The following TTLL6 variants were observed in gnomAD, a reference collection of about 807,000 sequenced individuals.
The protein encoded by TTLL6 is tubulin polyglutamylase TTLL6.
TTLL6 carries 75 observed loss-of-function variants against 96.4 expected under a neutral mutation model. The ratio of observed to expected loss-of-function variants is 0.78; its 90% confidence interval spans 0.65 to 0.94. The LOEUF is 0.94. TTLL6 is among the 40% of genes least tolerant of loss of function. The probability of loss-of-function intolerance (pLI) is 0.00; values close to 1 mark genes in which losing one functional copy is unlikely to be tolerated. For missense variants in TTLL6, 1,030 were observed against 1,093.0 expected, an observed-to-expected ratio of 0.94 and a Z score of 0.81; for synonymous variants, 411 against 419.4, an observed-to-expected ratio of 0.98 and a Z score of 0.24.
At chr17:48,813,901 T>C (rs1442955600) in intron 1 of TTLL6, among the ~76,000 whole-genome samples, 1 of 152,196 alleles carries the variant, frequency 6.6e-6, no homozygotes, top group African/African-American at 2.4e-5. Context: ...AGGGGACTTG[T>C]ACCCAGCCAG....
chr17:48,783,830 G>A (rs905919254), intron 13 of TTLL6, among the ~76,000 whole-genome samples: 3 of 152,188 alleles, frequency 2.0e-5, no homozygotes, highest in Non-Finnish European at 2.9e-5. Flanking sequence ...TTTTATGCTT[G>A]TATATATTCA....
rs2038516508 is a variant in TTLL6, at chr17:48,762,913, CACATTGTTTCCT to C, written c.*49_*60del. On this transcript the variant is annotated 3_prime_UTR_variant, in exon 16 of 16. Coordinates refer to ENST00000393382, the MANE Select transcript of TTLL6 (RefSeq NM_001130918.3). The stretch of plus-strand genomic sequence containing the variant: ...ACACTGGAGACACTGTCGGAAGAGA[CACATTGTTTCCT>C]GCAAGTTAAGAGGTAGGAAGGGAAA... 1 of 456,040 alleles carries C rather than the reference CACATTGTTTCCT, an allele frequency of 2.2e-6. No individual in the cohort carries two copies. Among genetic ancestry groups the C allele is most frequent in the Non-Finnish European group, 4.4e-6 (1 of 226,782 alleles). The allele number at this position is 456,040 out of a possible 1,614,324, so 28.2% of individuals were successfully genotyped here.
intron 1 of TTLL6, among the ~76,000 whole-genome samples, chr17:48,806,829 G>A (rs1170813597): frequency 2.0e-5 from 3 of 151,822 alleles, no homozygotes; most frequent in East Asian, 2.0e-4. Flanking sequence ...TCAGAAGTTC[G>A]AGACCAGCCT....
At chr17:48,795,566 T>C (rs1223087041) in intron 8 of TTLL6, among the ~76,000 whole-genome samples, 1 of 152,064 alleles carries the variant, frequency 6.6e-6, no homozygotes, top group Non-Finnish European at 1.5e-5. Context: ...CATGAACTGC[T>C]CTCAATTTCC....
rs529244451 is a variant in TTLL6 at position 48,770,168 on chromosome 17, A to G, written c.2041-71T>C. 2.7e-6 allele frequency: 4 copies of G among 1,498,414 alleles called. No homozygotes were observed. In the African/African-American group the frequency reaches 5.6e-5, roughly 21 times the overall value. The allele number at this position is 1,498,414 out of a possible 1,614,324, so 92.8% of individuals were successfully genotyped here. On this transcript the variant is annotated intron_variant, in intron 13 of 15. Coordinates refer to ENST00000393382, the MANE Select transcript of TTLL6 (RefSeq NM_001130918.3). ...TTCCTTCCTATGCTATTTTTTTTTT[A>G]TTTTTATTTTTTGAGACAAGGTCTT...
intron 8 of TTLL6, among the ~76,000 whole-genome samples, chr17:48,793,875 C>T (rs2039271588): frequency 6.6e-6 from 1 of 152,186 alleles, no homozygotes; most frequent in Non-Finnish European, 1.5e-5. Flanking sequence ...AATGTCCAAG[C>T]TCTCCACCCC....
At position 48,804,912 on chromosome 17, in the gene TTLL6, T is replaced by C. The variant is rs1180675533; in HGVS notation, c.183A>G (p.Glu61=). 3.2e-6 allele frequency: 5 copies of C among 1,552,050 alleles called. No homozygotes were observed. In the South Asian group the frequency reaches 4.8e-5, roughly 15 times the overall value. ...QCPTLESQEG[E]NSEEKGDSSK... is the part of the protein sequence containing the mutation. Reference sequence around the variant, plus strand: ...AACTGTCCCCCTTCTCTTCGGAGTTTTCCCCTTCCTGGCTTTCCAAAGTCG... The same window carrying C: ...AACTGTCCCCCTTCTCTTCGGAGTTCTCCCCTTCCTGGCTTTCCAAAGTCG... The change falls in exon 2 of 16, where the codon GAA becomes GAG. Residue 61 remains glutamate, a synonymous_variant. Transcript: ENST00000393382.
At chr17:48,814,498 C>T (rs2039638149) in intron 1 of TTLL6, among the ~76,000 whole-genome samples, 1 of 152,090 alleles carries the variant, frequency 6.6e-6, no homozygotes, top group Non-Finnish European at 1.5e-5. Context: ...AAAAAATTCT[C>T]ATGTTTCCTT....
intron 8 of TTLL6, among the ~76,000 whole-genome samples, chr17:48,795,115 G>A: frequency 6.6e-6 from 1 of 152,080 alleles, no homozygotes; most frequent in Admixed American, 6.6e-5. Context: ...ATCACGAGGT[G>A]AAGAGATCAT....
intron 9 of TTLL6, 117 bp from the exon 10 acceptor site, chr17:48,790,223 A>T: frequency 9.3e-7 from 1 of 1,075,064 alleles, no homozygotes; most frequent in Non-Finnish European, 1.3e-6. Context: ...CTCACTACCA[A>T]GATGAAAGGG....
chr17:48,801,338 C>G lies in TTLL6; in HGVS notation c.528G>C (p.Leu176Phe), dbSNP rs1041334899. The G allele has an allele frequency of 1.3e-6, 2 of 1,551,510 alleles. No homozygotes were observed. Among genetic ancestry groups the G allele is most frequent in the Non-Finnish European group, 1.7e-6 (2 of 1,146,998 alleles). Reference protein sequence around the residue: ...PGMSEICRKDLLARNMSRMLK... With the variant: ...PGMSEICRKDFLARNMSRMLK... ...ACATGCGGCTCATGTTCCTGGCCAG[C>G]AAGTCCTTCCGGCAGATTTCACTCA... is the stretch of plus-strand genomic sequence containing the variant. Residue 176 changes from leucine (L) to phenylalanine (F), a missense_variant, in exon 5 of 16, where the codon TTG becomes TTC. Leu to Phe is a conservative substitution (Grantham distance 22). Transcript: ENST00000393382.
At chr17:48,812,068 C>CCCCCA (rs2039603708) in intron 1 of TTLL6, 1 of 99,864 alleles carries the variant, frequency 1.0e-5, no homozygotes, top group African/African-American at 3.5e-5. Flanking sequence ...GCTGGGACCC[C>CCCCCA]CCCCCCCACC....
Position 48,792,157 on chromosome 17 carries a change from C to T in TTLL6, c.999-554G>A, listed in dbSNP as rs151322670. The stretch of plus-strand genomic sequence containing the variant: ...AACTGTGCCAGGCAAACTGGACTGT[C>T]CCAGTTTTAGAATTGCAAGTCCTGA... On this transcript the variant is annotated intron_variant, in intron 8 of 15. Coordinates refer to ENST00000393382, the MANE Select transcript of TTLL6 (RefSeq NM_001130918.3). Among the ~76,000 whole-genome samples, 826 of 152,310 alleles carry T rather than the reference C, an allele frequency of 5.4e-3. 1 individual carries two copies. The highest frequency in any genetic ancestry group is 0.014 in the Middle Eastern group (4 of 294).
chr17:48,785,739 G>T (rs2039078771), intron 12 of TTLL6, among the ~76,000 whole-genome samples: 1 of 152,138 alleles, frequency 6.6e-6, no homozygotes, highest in Admixed American at 6.6e-5. Flanking sequence ...TGTTCTGAGA[G>T]TCCTGTTCCC....
chr17:48,812,064 A>ATC lies in TTLL6; in HGVS notation c.103+4905_103+4906insGA, dbSNP rs774831083. The ATC allele has an allele frequency of 2.0e-3, 155 of 76,194 alleles. 1 individual carries two copies. Among genetic ancestry groups the ATC allele is most frequent in the African/African-American group, 8.0e-3 (146 of 18,232 alleles). The allele number at this position is 76,194 out of a possible 1,614,324, so 4.7% of individuals were successfully genotyped here. Reference sequence around the variant, plus strand: ...TAAATCTGACCCAGGTGATGCTGGGACCCCCCCCCCCACCCCCCGCTCAGA... The same window carrying ATC: ...TAAATCTGACCCAGGTGATGCTGGGATCCCCCCCCCCCCACCCCCCGCTCAGA... On this transcript the variant is annotated intron_variant, in intron 1 of 15. Coordinates refer to ENST00000393382, the MANE Select transcript of TTLL6 (RefSeq NM_001130918.3).
At chr17:48,771,907 T>C (rs980997209) in intron 13 of TTLL6, among the ~76,000 whole-genome samples, 1 of 151,704 alleles carries the variant, frequency 6.6e-6, no homozygotes, top group Non-Finnish European at 1.5e-5. Context: ...AAACCTCATC[T>C]CTACTAAAAA....
At chr17:48,786,012 G>A (rs2039083139) in intron 12 of TTLL6, 152 bp downstream of exon 12, 4 of 1,155,848 alleles carry the variant, frequency 3.5e-6, no homozygotes, top group Non-Finnish European at 4.9e-6. Context: ...GTGCCTTCAG[G>A]GCTCCCCGCA....
chr17:48,777,742 AAT>A (rs2038905404), intron 13 of TTLL6, among the ~76,000 whole-genome samples: 6 of 147,528 alleles, frequency 4.1e-5, no homozygotes, highest in Admixed American at 6.8e-5. Flanking sequence ...AAAAAAAAAA[AAT>A]ATACAAAAAT....
chr17:48,815,317 GGTT>G (rs2039653688), intron 1 of TTLL6: 1 of 152,088 alleles, frequency 6.6e-6, no homozygotes, highest in African/African-American at 2.4e-5. Context: ...CCAGATAATA[GGTT>G]TTCCTTCACG....
Sources: allele counts gnomAD v4.1 joint callset (sites outside exome capture counted in the v4.1 genomes callset), GRCh38; gene constraint gnomAD v4.1.1; transcripts MANE v1.5; gene names NCBI Gene and HGNC (gene_info 2026-07-23, HGNC 2026-07-21).